CLVS1: variants seen among roughly 807,000 people sequenced by gnomAD.
CLVS1 encodes clavesin 1, also known as clavesin-1.
CLVS1 carries 10 observed loss-of-function variants against 33.1 expected under a neutral mutation model. That is an observed-to-expected ratio of 0.30 (90% CI 0.19 to 0.51). The LOEUF (loss-of-function observed/expected upper bound fraction) is 0.51, where lower values mean the gene tolerates loss of function less well. CLVS1 is among the 20% of genes least tolerant of loss of function. CLVS1 has a pLI of 0.97. For missense variants in CLVS1, 343 were observed against 433.4 expected (o/e 0.79, Z 1.85); for synonymous variants, 163 against 166.1 (o/e 0.98, Z 0.14).
At chr8:61,299,396 A>G (rs1287690144) in intron 1 of CLVS1, among the ~76,000 whole-genome samples, 1 of 152,134 alleles carries the variant, frequency 6.6e-6, no homozygotes, top group East Asian at 1.9e-4. Context: ...AGTGCATGCT[A>G]TTGCTAATCT....
chr8:61,376,465 C>T, intron 2 of CLVS1, 140 bp from the exon 3 acceptor site: 1 of 672,674 alleles, frequency 1.5e-6, no homozygotes. Flanking sequence ...TATTTTCAGT[C>T]CCTTTGGGTA....
At chr8:61,121,504 C>G (rs1423581076) in intron 1 of CLVS1, among the ~76,000 whole-genome samples, 1 of 152,010 alleles carries the variant, frequency 6.6e-6, no homozygotes. Context: ...GGAATATATT[C>G]CAGGAAGAAT....
At chr8:61,404,965 A>G (rs16927280) in intron 3 of CLVS1, among the ~76,000 whole-genome samples, 85,956 of 152,104 alleles carry the variant, frequency 0.57, 28,508 homozygotes, top group Non-Finnish European at 0.73. Context: ...CAACCAGTTA[A>G]CACTGACTGA....
intron 1 of CLVS1, among the ~76,000 whole-genome samples, chr8:61,126,820 C>T (rs1387561604): frequency 2.0e-5 from 3 of 152,334 alleles, no homozygotes; most frequent in Non-Finnish European, 2.9e-5. Context: ...TCCTGCTTTA[C>T]ACAACCTCTC....
chr8:61,482,599 G>C (rs1046262560), intron 5 of CLVS1, among the ~76,000 whole-genome samples: 10 of 152,086 alleles, frequency 6.6e-5, no homozygotes, highest in Non-Finnish European at 1.5e-4. Context: ...TGGAAGAAAG[G>C]GTATTAGTGA....
At chr8:61,429,761 T>C (rs563640125) in intron 3 of CLVS1, among the ~76,000 whole-genome samples, 2 of 152,346 alleles carry the variant, frequency 1.3e-5, no homozygotes, top group African/African-American at 4.8e-5. Context: ...TCAACAAATA[T>C]AGTGGCTTTT....
chr8:61,055,800 C>A (rs1201124630), upstream of CLVS1, among the ~76,000 whole-genome samples: 1 of 152,248 alleles, frequency 6.6e-6, no homozygotes, highest in Non-Finnish European at 1.5e-5. Context: ...TCCTCACATC[C>A]TAGCAGCTTT....
chr8:60,972,196 C>T, the CLVS1 span, among the ~76,000 whole-genome samples: 1 of 152,106 alleles, frequency 6.6e-6, no homozygotes, highest in African/African-American at 2.4e-5. Flanking sequence ...GGGCTTCTCA[C>T]AGCATGGTGG....
chr8:61,199,780 G>T (rs142523780), intron 2 of CLVS1, among the ~76,000 whole-genome samples: 2 of 152,312 alleles, frequency 1.3e-5, no homozygotes, highest in East Asian at 3.9e-4. Context: ...TCCCAAAGGG[G>T]CTTTGTCTCA....
intron 2 of CLVS1, among the ~76,000 whole-genome samples, chr8:61,257,117 A>G (rs1809099767): frequency 6.6e-6 from 1 of 152,262 alleles, no homozygotes; most frequent in Admixed American, 6.5e-5. Flanking sequence ...AAAATCAATT[A>G]TAGCTGCACC....
At chr8:61,226,646 T>A (rs1346222821) in intron 2 of CLVS1, among the ~76,000 whole-genome samples, 1 of 152,224 alleles carries the variant, frequency 6.6e-6, no homozygotes, top group Non-Finnish European at 1.5e-5. Flanking sequence ...CAATAAAATT[T>A]CGAGTGAATG....
At chr8:61,063,547 A>G (rs561839235) in intron 1 of CLVS1, among the ~76,000 whole-genome samples, 158 of 152,312 alleles carry the variant, frequency 1.0e-3, no homozygotes, top group Non-Finnish European at 1.9e-3. Flanking sequence ...AGAAGGATGG[A>G]CACAGGAGAA....
At chr8:60,993,326 T>G in the CLVS1 span, among the ~76,000 whole-genome samples, 1 of 152,230 alleles carries the variant, frequency 6.6e-6, no homozygotes, top group Non-Finnish European at 1.5e-5. Flanking sequence ...AATGGCTCTA[T>G]GCTTCATTTC....
At chr8:61,414,556 ATT>A (rs1815357690) in intron 3 of CLVS1, among the ~76,000 whole-genome samples, 1 of 152,058 alleles carries the variant, frequency 6.6e-6, no homozygotes, top group African/African-American at 2.4e-5. Context: ...TCTCCAAGAG[ATT>A]GAGAAATGCC....
chr8:61,461,216 T>A (rs1036899021), intron 5 of CLVS1, among the ~76,000 whole-genome samples: 1 of 152,216 alleles, frequency 6.6e-6, no homozygotes, highest in Admixed American at 6.5e-5. Context: ...ATCAACATTG[T>A]CTTGTCCCTT....
At chr8:61,051,079 A>G in the CLVS1 span, among the ~76,000 whole-genome samples, 1 of 152,208 alleles carries the variant, frequency 6.6e-6, no homozygotes, top group Non-Finnish European at 1.5e-5. Flanking sequence ...CCTCTGCAGC[A>G]TGGCTTCATT....
rs10091546 is a variant in CLVS1 at position 61,120,727 on chromosome 8, C to T, written c.-242-11043C>T. ...GACCCACTTGAGGAGGCAGTCTGCC[C>T]GTTCTCAGATCTCCAGCTGCGTGCT... On this transcript the variant is annotated intron_variant, in intron 1 of 2. Coordinates refer to the CLVS1 transcript ENST00000522621. 3.9e-4 allele frequency among the ~76,000 whole-genome samples: 53 copies of T among 137,606 alleles called. No homozygotes were observed. The East Asian group carries it at 4.6e-3, about 12-fold the overall frequency. 90.3% of individuals were successfully genotyped at this position (137,606 alleles called of 152,430 possible). A position where few individuals can be genotyped will look rare whatever the true frequency, so the allele number is the denominator to read the frequency against.
the CLVS1 span, among the ~76,000 whole-genome samples, chr8:61,006,958 G>T: frequency 6.6e-6 from 1 of 152,194 alleles, no homozygotes; most frequent in Non-Finnish European, 1.5e-5. Context: ...TGAGAAAATT[G>T]GGTGATTCCT....
intron 2 of CLVS1, among the ~76,000 whole-genome samples, chr8:61,162,118 C>T (rs919115628): frequency 4.6e-5 from 7 of 152,190 alleles, no homozygotes; most frequent in Middle Eastern, 3.2e-3. Flanking sequence ...AACTTTGTCC[C>T]AGGCCATTGC....
Sources: gnomAD v4.1 joint callset for allele counts (sites outside exome capture counted in the v4.1 genomes callset) on GRCh38, gnomAD v4.1.1 for gene constraint, MANE v1.5 for transcripts, NCBI Gene and HGNC (gene_info 2026-07-23, HGNC 2026-07-21) for gene names.